RANBP3: variants seen among roughly 807,000 people sequenced by gnomAD.
The protein encoded by RANBP3 is RAN binding protein 3, also known as ran-binding protein 3.
RANBP3 carries 14 observed loss-of-function variants against 77.3 expected under a neutral mutation model. That is an observed-to-expected ratio of 0.18 (90% CI 0.12 to 0.28). The LOEUF (loss-of-function observed/expected upper bound fraction) is 0.28, where lower values mean the gene tolerates loss of function less well. RANBP3 is among the 10% of genes least tolerant of loss of function. The probability of loss-of-function intolerance (pLI) is 1.00; values close to 1 mark genes in which losing one functional copy is unlikely to be tolerated. For synonymous variants in RANBP3, 315 were observed against 312.4 expected (o/e 1.01, Z -0.09); for missense variants, 586 against 752.3 (o/e 0.78, Z 2.59).
Position 5,951,322 on chromosome 19 carries a change from C to A in RANBP3, c.282+71G>T, listed in dbSNP as rs28453379. ...AGCTAGGGCCAGGATCTGAGGGACC[C>A]GAAGGGAAAGTGGCTGGTCTGGGTT... is the stretch of plus-strand genomic sequence containing the variant. On this transcript the variant is annotated intron_variant, in intron 3 of 16. Transcript: ENST00000340578. 6,663 of 1,403,732 alleles carry A rather than the reference C, an allele frequency of 4.7e-3. 222 individuals carry two copies. In the African/African-American group the frequency reaches 0.077, roughly 16 times the overall value. The allele number at this position is 1,403,732 out of a possible 1,614,324, so 87.0% of individuals were successfully genotyped here.
At chr19:5,941,344 C>T (rs1021191915) in intron 5 of RANBP3, among the ~76,000 whole-genome samples, 2 of 147,420 alleles carry the variant, frequency 1.4e-5, no homozygotes, top group Non-Finnish European at 2.9e-5. Flanking sequence ...TCTCAGTAGT[C>T]AACCCCTTTC....
chr19:5,968,707 T>C (rs1382325562), intron 1 of RANBP3, among the ~76,000 whole-genome samples: 1 of 152,118 alleles, frequency 6.6e-6, no homozygotes. Context: ...TGAGCCCTTC[T>C]GAGGTCACAG....
chr19:5,932,433 C>CA lies in RANBP3; in HGVS notation c.565+18dup, dbSNP rs959693589. 1.2e-6 allele frequency: 2 copies of CA among 1,610,574 alleles called. No homozygotes were observed. Among genetic ancestry groups the CA allele is most frequent in the Non-Finnish European group, 1.7e-6 (2 of 1,177,542 alleles). On this transcript the variant is annotated intron_variant, in intron 7 of 16. Coordinates refer to ENST00000340578, the MANE Select transcript of RANBP3 (RefSeq NM_007322.3). The stretch of plus-strand genomic sequence containing the variant: ...TACCCTGCCGTCTGGGCCTGGGCGC[C>CA]AGGGCTGCTGTTTCTTACCAGTCTG...
chr19:5,954,717 T>G (rs1217277525), intron 2 of RANBP3, among the ~76,000 whole-genome samples: 1 of 152,142 alleles, frequency 6.6e-6, no homozygotes, highest in Non-Finnish European at 1.5e-5. Context: ...AAGACAGGGA[T>G]GGGTTGATGG....
intron 1 of RANBP3, among the ~76,000 whole-genome samples, chr19:5,960,902 G>A (rs1025409181): frequency 1.3e-5 from 2 of 152,210 alleles, no homozygotes; most frequent in African/African-American, 4.8e-5. Flanking sequence ...CTGGACATGT[G>A]ACCCAGCTGG....
intron 5 of RANBP3, among the ~76,000 whole-genome samples, chr19:5,936,666 AAAGT>A (rs1293106539): frequency 1.3e-5 from 2 of 152,216 alleles, no homozygotes; most frequent in Non-Finnish European, 2.9e-5. Context: ...TTGTTGTGAC[AAAGT>A]AAGGGCAGTG....
At chr19:5,960,502 A>G (rs545280707) in intron 1 of RANBP3, among the ~76,000 whole-genome samples, 17 of 152,314 alleles carry the variant, frequency 1.1e-4, no homozygotes, top group African/African-American at 4.1e-4. Context: ...TATAAACTCC[A>G]TAAGATCCGA....
intron 8 of RANBP3, among the ~76,000 whole-genome samples, chr19:5,929,012 C>T (rs905425576): frequency 6.6e-6 from 1 of 152,066 alleles, no homozygotes; most frequent in Non-Finnish European, 1.5e-5. Context: ...ACCTGACAAC[C>T]GTGAACTCGG....
intron 1 of RANBP3, among the ~76,000 whole-genome samples, chr19:5,963,750 T>C (rs73923403): frequency 0.029 from 4,409 of 152,220 alleles, 221 homozygotes; most frequent in African/African-American, 0.1. Context: ...CCTCAAACAA[T>C]GTGTGAAGTG....
chr19:5,927,109 A>G (rs1273110682), intron 9 of RANBP3, among the ~76,000 whole-genome samples: 1 of 152,004 alleles, frequency 6.6e-6, no homozygotes, highest in East Asian at 1.9e-4. Context: ...CCGCCTCTCG[A>G]GCTTTGAAAG....
chr19:5,917,238 TG>T lies in RANBP3; in HGVS notation c.*371del. ...GCCCCACAGCAGGGTGGGAAGGGTG[TG>T]GGTGGCGGAGAAGCCAGGGGCTCTG... On this transcript the variant is annotated 3_prime_UTR_variant, in exon 17 of 17. Transcript: ENST00000340578. The T allele has an allele frequency of 2.9e-6, 1 of 343,254 alleles. No homozygotes were observed. The highest frequency in any genetic ancestry group is 5.5e-6 in the Non-Finnish European group (1 of 180,632). 21.3% of individuals were successfully genotyped at this position (343,254 alleles called of 1,614,324 possible).
At chr19:5,962,714 A>C (rs941878649) in intron 1 of RANBP3, 2 of 455,934 alleles carry the variant, frequency 4.4e-6, no homozygotes, top group East Asian at 1.4e-4. Flanking sequence ...ATCTGCACCC[A>C]AAACACAGAG....
rs2058619484 is a variant in RANBP3, at chr19:5,978,047, G to A, written c.22+14C>T. ...CCCCGGCCGCCAGCCGGTCCCCAAC[G>A]GCGCCTCCCCTACCTTCGTTCGCCA... On this transcript the variant is annotated intron_variant, in intron 1 of 16. Transcript: ENST00000340578. The A allele has an allele frequency of 4.3e-6, 7 of 1,609,584 alleles. No individual in the cohort carries two copies. The highest frequency in any genetic ancestry group is 5.9e-6 in the Non-Finnish European group (7 of 1,178,256).
chr19:5,964,678 T>C (rs2058442361), intron 1 of RANBP3, among the ~76,000 whole-genome samples: 1 of 151,916 alleles, frequency 6.6e-6, no homozygotes, highest in African/African-American at 2.4e-5. Flanking sequence ...ACAAGCAGCA[T>C]TTGGCCACAT....
At chr19:5,968,853 G>A (rs1441100578) in intron 1 of RANBP3, among the ~76,000 whole-genome samples, 3 of 152,248 alleles carry the variant, frequency 2.0e-5, no homozygotes, top group East Asian at 1.9e-4. Context: ...AGACAAGGCC[G>A]CAGCTCTCTA....
chr19:5,929,083 C>G (rs2057952441), intron 8 of RANBP3, among the ~76,000 whole-genome samples: 1 of 152,186 alleles, frequency 6.6e-6, no homozygotes, highest in African/African-American at 2.4e-5. Flanking sequence ...GCAGGGAAGC[C>G]TGGAGTTACA....
chr19:5,956,731 C>CACAT (rs2058339144), intron 2 of RANBP3, among the ~76,000 whole-genome samples: 1 of 152,288 alleles, frequency 6.6e-6, no homozygotes, highest in South Asian at 2.1e-4. Flanking sequence ...AAAACCGGGC[C>CACAT]ACATCAAGAT....
In RANBP3 at chr19:5,916,878, G is replaced by C. The variant is rs543381822; in HGVS notation, c.*732C>G. ...CCCATGACTTGGCCTGGAGGAACCTGGGGTGGGAAACAAGTAGTCCCCCAA... is the reference window on the plus strand; with the variant it reads ...CCCATGACTTGGCCTGGAGGAACCTCGGGTGGGAAACAAGTAGTCCCCCAA... On this transcript the variant is annotated 3_prime_UTR_variant, in exon 17 of 17. Transcript: ENST00000340578. 2.6e-5 allele frequency: 4 copies of C among 152,362 alleles called. No individual in the cohort carries two copies. The highest frequency in any genetic ancestry group is 5.9e-5 in the Non-Finnish European group (4 of 68,176). The allele number at this position is 152,362 out of a possible 1,614,324, so 9.4% of individuals were successfully genotyped here.
intron 9 of RANBP3, among the ~76,000 whole-genome samples, chr19:5,927,227 G>A (rs1004416185): frequency 1.1e-4 from 17 of 152,258 alleles, no homozygotes; most frequent in African/African-American, 4.1e-4. Context: ...CCAGTGCATG[G>A]TCCAGGGCCA....
Sources: allele counts gnomAD v4.1 joint callset (sites outside exome capture counted in the v4.1 genomes callset), GRCh38; gene constraint gnomAD v4.1.1; transcripts MANE v1.5; gene names NCBI Gene and HGNC (gene_info 2026-07-23, HGNC 2026-07-21).